The following HS3ST2 variants were observed in gnomAD, a reference collection of about 807,000 sequenced individuals.
The protein encoded by HS3ST2 is heparan sulfate glucosamine 3-O-sulfotransferase 2.
In HS3ST2, 17 loss-of-function variants were observed where a neutral mutation model predicts 26.3. The ratio of observed to expected loss-of-function variants is 0.65; its 90% CI spans 0.44 to 0.97. The LOEUF (loss-of-function observed/expected upper bound fraction) is 0.97, where lower values mean the gene tolerates loss of function less well. Among genes scored for constraint, HS3ST2 ranks in the 50% least tolerant of loss-of-function variants. HS3ST2 has a pLI of 0.00. For missense variants in HS3ST2, 402 were observed against 501.2 expected, an observed-to-expected ratio of 0.80 and a Z score of 1.89; for synonymous variants, 237 against 219.2, an observed-to-expected ratio of 1.08 and a Z score of -0.72.
rs1469316419 is a variant in HS3ST2, at chr16:22,899,439, G to A, written c.486-15505G>A. Among the ~76,000 whole-genome samples, 3 of 152,184 alleles carry A rather than the reference G, an allele frequency of 2.0e-5. No homozygotes were observed. In the East Asian group the frequency reaches 5.8e-4, roughly 29 times the overall value. ...TGGGATGCAAGGTCACCTACTAAGA[G>A]TGGCAAGAAAGGGCAGGGTTTGGTC... On this transcript the variant is annotated intron_variant, in intron 1 of 1. Coordinates refer to ENST00000261374, the MANE Select transcript of HS3ST2 (RefSeq NM_006043.2).
chr16:22,856,373 C>G (rs1901594472), intron 1 of HS3ST2, among the ~76,000 whole-genome samples: 1 of 152,200 alleles, frequency 6.6e-6, no homozygotes, highest in Non-Finnish European at 1.5e-5. Flanking sequence ...TATCTTTACT[C>G]AATATTCATT....
chr16:22,816,060 G>A (rs1900863130), intron 1 of HS3ST2, among the ~76,000 whole-genome samples: 1 of 152,176 alleles, frequency 6.6e-6, no homozygotes, highest in South Asian at 2.1e-4. Context: ...CAAAGCTTCT[G>A]TGAGGTGGCA....
intron 1 of HS3ST2, chr16:22,854,831 G>C (rs956868425): frequency 1.3e-5 from 2 of 152,058 alleles, no homozygotes; most frequent in African/African-American, 4.8e-5. Flanking sequence ...GTTGGGACAG[G>C]GTCTTGCTTG....
intron 1 of HS3ST2, among the ~76,000 whole-genome samples, 170 bp downstream of exon 1, chr16:22,815,265 G>A (rs1428544179): frequency 6.6e-6 from 1 of 152,246 alleles, no homozygotes; most frequent in East Asian, 1.9e-4. Flanking sequence ...ACTTCCCAGT[G>A]ATAATCTAGA....
chr16:22,878,005 G>A (rs1236731131), intron 1 of HS3ST2, among the ~76,000 whole-genome samples: 2 of 152,162 alleles, frequency 1.3e-5, no homozygotes, highest in African/African-American at 2.4e-5. Context: ...AGCACGTTCT[G>A]GACCAAGATG....
Position 22,915,674 on chromosome 16 carries a change from C to A in HS3ST2, c.*112C>A. On this transcript the variant is annotated 3_prime_UTR_variant, in exon 2 of 2. Transcript: ENST00000261374. Reference sequence around the variant, plus strand: ...AAACCCTGGCTCCAGCCCCCTTTCCCAACTTGAGTTGCATCATCTTGGAAC... The same window carrying A: ...AAACCCTGGCTCCAGCCCCCTTTCCAAACTTGAGTTGCATCATCTTGGAAC... 8 of 1,203,266 alleles carry A rather than the reference C, an allele frequency of 6.6e-6. No individual in the cohort carries two copies. The highest frequency in any genetic ancestry group is 8.2e-6 in the Non-Finnish European group (7 of 854,856). 74.5% of individuals were successfully genotyped at this position (1,203,266 alleles called of 1,614,324 possible).
chr16:22,856,479 T>C (rs1901596782), intron 1 of HS3ST2, among the ~76,000 whole-genome samples: 1 of 152,248 alleles, frequency 6.6e-6, no homozygotes, highest in Admixed American at 6.5e-5. Context: ...CTCAGTCTCC[T>C]GTCTTTTCCT....
chr16:22,869,083 C>G (rs1489702379), intron 1 of HS3ST2, among the ~76,000 whole-genome samples: 1 of 151,636 alleles, frequency 6.6e-6, no homozygotes, highest in Admixed American at 6.6e-5. Context: ...ACAAGCAGAA[C>G]TGCAAATGAG....
chr16:22,840,746 T>C lies in HS3ST2; in HGVS notation c.485+25651T>C, dbSNP rs1901339404. On this transcript the variant is annotated intron_variant, in intron 1 of 1. Coordinates refer to ENST00000261374, the MANE Select transcript of HS3ST2 (RefSeq NM_006043.2). ...ATTTTCTCCATGACCATCCTCATAC[T>C]ATTAGGAGAAATGTCAGTGGTTCTG... Among the ~76,000 whole-genome samples the C allele has an allele frequency of 2.0e-5, 3 of 152,312 alleles. No homozygotes were observed. In the South Asian group the frequency reaches 6.2e-4, roughly 32 times the overall value.
chr16:22,878,753 G>A (rs757369838), intron 1 of HS3ST2, among the ~76,000 whole-genome samples: 2 of 152,198 alleles, frequency 1.3e-5, no homozygotes, highest in Non-Finnish European at 2.9e-5. Flanking sequence ...GCCCCCGAGA[G>A]AGCAACATTT....
chr16:22,900,247 G>T (rs1304258435), intron 1 of HS3ST2, among the ~76,000 whole-genome samples: 1 of 152,234 alleles, frequency 6.6e-6, no homozygotes, highest in African/African-American at 2.4e-5. Flanking sequence ...TTCGTGGCAT[G>T]CATTCACTCT....
chr16:22,818,285 GTGCTGTA>G (rs1255467651), intron 1 of HS3ST2, among the ~76,000 whole-genome samples: 1 of 152,142 alleles, frequency 6.6e-6, no homozygotes, highest in Admixed American at 6.5e-5. Context: ...GGTCACCTAG[GTGCTGTA>G]TGATTTGAAG....
chr16:22,882,653 C>T (rs2141197511), intron 1 of HS3ST2, among the ~76,000 whole-genome samples: 1 of 152,204 alleles, frequency 6.6e-6, no homozygotes, highest in East Asian at 1.9e-4. Context: ...CTTGCTTGAA[C>T]CCAGGAGGCA....
intron 1 of HS3ST2, among the ~76,000 whole-genome samples, chr16:22,828,798 C>T (rs208956): frequency 0.17 from 26,208 of 152,114 alleles, 2,472 homozygotes; most frequent in East Asian, 0.25. Context: ...TCTGTGGTGG[C>T]GCAGTCCCTA....
intron 1 of HS3ST2, among the ~76,000 whole-genome samples, chr16:22,859,442 T>G (rs529854142): frequency 6.6e-6 from 1 of 152,322 alleles, no homozygotes; most frequent in African/African-American, 2.4e-5. Flanking sequence ...GTCCATGTTC[T>G]GTTGTTATTT....
At chr16:22,858,623 A>G (rs1901634049) in intron 1 of HS3ST2, among the ~76,000 whole-genome samples, 1 of 152,022 alleles carries the variant, frequency 6.6e-6, no homozygotes, top group African/African-American at 2.4e-5. Flanking sequence ...TCATTTTTAT[A>G]AGGATGTGAG....
intron 1 of HS3ST2, among the ~76,000 whole-genome samples, chr16:22,913,123 A>AAAGGAAGGAAGGAAGGAAGGAAGG (rs1159183388): frequency 4.8e-4 from 45 of 94,160 alleles, no homozygotes; most frequent in African/African-American, 1.2e-3. Context: ...GAGAAGAAAG[A>AAAGGAAGGAAGGAAGGAAGGAAGG]AAGGAAGGAA....
intron 1 of HS3ST2, among the ~76,000 whole-genome samples, chr16:22,906,984 G>A (rs1013591077): frequency 2.0e-5 from 3 of 152,198 alleles, no homozygotes; most frequent in Non-Finnish European, 2.9e-5. Context: ...ACAAGGGCAT[G>A]AGGGTGCTAG....
intron 1 of HS3ST2, among the ~76,000 whole-genome samples, chr16:22,866,001 T>C (rs1407545632): frequency 6.6e-6 from 1 of 152,172 alleles, no homozygotes; most frequent in Non-Finnish European, 1.5e-5. Flanking sequence ...GAAAACAAAA[T>C]CCTAAATTAG....
Sources: gnomAD v4.1 joint callset for allele counts (sites outside exome capture counted in the v4.1 genomes callset) on GRCh38, gnomAD v4.1.1 for gene constraint, MANE v1.5 for transcripts, NCBI Gene and HGNC (gene_info 2026-07-23, HGNC 2026-07-21) for gene names.